Variants in FSHR observed in about 807,000 individuals in gnomAD.
The protein encoded by FSHR is follicle-stimulating hormone receptor.
A neutral mutation model predicts 52.1 loss-of-function variants in FSHR; 46 were observed. That is an observed-to-expected ratio of 0.88 (90% CI 0.70 to 1.13). The LOEUF is 1.13. Among genes scored for constraint, FSHR ranks in the 50% most tolerant of loss-of-function variants. The pLI is 0.00. For missense variants in FSHR, 964 were observed against 834.6 expected, an observed-to-expected ratio of 1.16 and a Z score of -1.91; for synonymous variants, 399 against 309.6, an observed-to-expected ratio of 1.29 and a Z score of -3.03.
chr2:49,027,486 C>T (rs143492564), intron 2 of FSHR, among the ~76,000 whole-genome samples: 36 of 152,258 alleles, frequency 2.4e-4, no homozygotes, highest in Middle Eastern at 6.8e-3. Context: ...TGCAGCTAGT[C>T]TTTGTGCTTG....
chr2:49,146,151 G>T (rs909253614), intron 1 of FSHR, among the ~76,000 whole-genome samples: 5 of 152,060 alleles, frequency 3.3e-5, no homozygotes, highest in Admixed American at 2.6e-4. Context: ...TGGGAGGGAA[G>T]AAGATGGAAA....
intron 1 of FSHR, among the ~76,000 whole-genome samples, chr2:49,130,007 CTA>C (rs1183818638): frequency 3.9e-5 from 6 of 152,124 alleles, no homozygotes; most frequent in Non-Finnish European, 8.8e-5. Flanking sequence ...CTTATTTGTG[CTA>C]TGTTATAAAC....
At chr2:49,077,154 G>A (rs1305025555) in intron 1 of FSHR, among the ~76,000 whole-genome samples, 1 of 152,202 alleles carries the variant, frequency 6.6e-6, no homozygotes, top group Admixed American at 6.5e-5. Context: ...CTCCACAAGG[G>A]CCTCTCCCCT....
intron 4 of FSHR, among the ~76,000 whole-genome samples, chr2:49,000,336 A>G (rs757754367): frequency 2.6e-5 from 4 of 152,212 alleles, no homozygotes; most frequent in Non-Finnish European, 5.9e-5. Flanking sequence ...TCAAAAGGGA[A>G]GTAAACTTAG....
intron 1 of FSHR, among the ~76,000 whole-genome samples, chr2:49,109,150 A>C (rs868313430): frequency 2.0e-5 from 3 of 152,274 alleles, no homozygotes; most frequent in Middle Eastern, 3.4e-3. Flanking sequence ...TGTGCATAAA[A>C]GGATGAGCAG....
intron 2 of FSHR, among the ~76,000 whole-genome samples, chr2:49,020,598 T>G (rs1882558): frequency 0.3 from 45,923 of 151,862 alleles, 7,790 homozygotes; most frequent in Non-Finnish European, 0.4. Flanking sequence ...CAATTGACAT[T>G]GTAGCCCAAA....
intron 2 of FSHR, among the ~76,000 whole-genome samples, chr2:49,027,580 T>C (rs1228903879): frequency 6.6e-6 from 1 of 152,136 alleles, no homozygotes; most frequent in Non-Finnish European, 1.5e-5. Context: ...CCGGGCGCAG[T>C]GGCTCACGCC....
At position 49,091,691 on chromosome 2, in the gene FSHR, T is replaced by C. The variant is rs185387826; in HGVS notation, c.153-23401A>G. 4.6e-5 allele frequency among the ~76,000 whole-genome samples: 7 copies of C among 152,358 alleles called. No individual in the cohort carries two copies. In the East Asian group the frequency reaches 1.3e-3, roughly 29 times the overall value. The stretch of plus-strand genomic sequence containing the variant: ...ATTACGTTAGATTTCTGTCAAAAAT[T>C]AATTAGCTATAATTTTGTGGGTCTG... On this transcript the variant is annotated intron_variant, in intron 1 of 9. Coordinates refer to ENST00000406846, the MANE Select transcript of FSHR (RefSeq NM_000145.4).
intron 2 of FSHR, among the ~76,000 whole-genome samples, chr2:49,063,202 C>T (rs1245200506): frequency 2.0e-5 from 3 of 152,066 alleles, no homozygotes; most frequent in Admixed American, 6.6e-5. Context: ...TGCCACTGTA[C>T]CCTGGCTTGA....
At chr2:48,985,453 A>T (rs754435116) in intron 6 of FSHR, among the ~76,000 whole-genome samples, 2 of 152,042 alleles carry the variant, frequency 1.3e-5, no homozygotes, top group Admixed American at 1.3e-4. Flanking sequence ...GAATTAGGAC[A>T]TTATTCTCCT....
Position 48,968,878 on chromosome 2 carries a change from A to G in FSHR, c.674T>C (p.Ile225Thr). ...HGASGPVILD[I>T]SRTRIHSLPS... ...CAGGGAATGGATCCTTGTTCTTGAA[A>G]TATCTCTATAAAGAGAAAAGGTAAA... The change falls in exon 9 of 10, where the codon ATT (isoleucine) becomes ACT (threonine). Residue 225 changes from isoleucine (I) to threonine (T), a missense_variant. Ile to Thr is a moderately conservative substitution (Grantham distance 89, BLOSUM62 -1). Coordinates refer to ENST00000406846, the MANE Select transcript of FSHR (RefSeq NM_000145.4). 2.5e-6 allele frequency: 4 copies of G among 1,613,278 alleles called. No homozygotes were observed. The highest frequency in any genetic ancestry group is 3.4e-6 in the Non-Finnish European group (4 of 1,179,796).
chr2:48,983,913 C>G (rs1036484481), intron 6 of FSHR, among the ~76,000 whole-genome samples: 1 of 152,014 alleles, frequency 6.6e-6, no homozygotes. Context: ...ACAGGGGAGC[C>G]CAAGGACACC....
intron 2 of FSHR, among the ~76,000 whole-genome samples, chr2:49,038,600 G>A (rs1189842863): frequency 1.4e-5 from 2 of 140,474 alleles, no homozygotes; most frequent in Admixed American, 7.4e-5. Context: ...ACTCCAGCCT[G>A]GGCGACAGAG....
intron 6 of FSHR, 34 bp from the exon 7 acceptor site, chr2:48,983,200 G>A (rs1423143452): frequency 6.3e-7 from 1 of 1,581,804 alleles, no homozygotes; most frequent in Non-Finnish European, 8.7e-7. Context: ...AACCAATAAT[G>A]TCAGATGCAA....
intron 2 of FSHR, among the ~76,000 whole-genome samples, chr2:49,024,428 G>T (rs1667848265): frequency 6.6e-6 from 1 of 152,040 alleles, no homozygotes; most frequent in South Asian, 2.1e-4. Flanking sequence ...TACAAAATTA[G>T]TCATGCGTGG....
intron 2 of FSHR, among the ~76,000 whole-genome samples, chr2:49,024,835 C>A (rs1558397254): frequency 6.6e-6 from 1 of 152,166 alleles, no homozygotes; most frequent in Non-Finnish European, 1.5e-5. Context: ...TTAATAAGCT[C>A]AAACTAAATT....
chr2:49,035,521 C>A (rs1558403214), intron 2 of FSHR, among the ~76,000 whole-genome samples: 1 of 152,266 alleles, frequency 6.6e-6, no homozygotes, highest in East Asian at 1.9e-4. Flanking sequence ...CTGTAACCAC[C>A]CCTCCACTCC....
chr2:49,041,240 T>C (rs1668470334), intron 2 of FSHR, among the ~76,000 whole-genome samples: 1 of 152,154 alleles, frequency 6.6e-6, no homozygotes, highest in Non-Finnish European at 1.5e-5. Context: ...CGTGAATATG[T>C]ATTTGAGTAT....
intron 2 of FSHR, among the ~76,000 whole-genome samples, chr2:49,064,556 A>G (rs141250645): frequency 6.6e-6 from 1 of 152,192 alleles, no homozygotes; most frequent in East Asian, 1.9e-4. Context: ...CTGTAAGAAA[A>G]TAAATTTCTG....
Sources: gnomAD v4.1 joint callset for allele counts (sites outside exome capture counted in the v4.1 genomes callset) on GRCh38, gnomAD v4.1.1 for gene constraint, MANE v1.5 for transcripts, NCBI Gene and HGNC (gene_info 2026-07-23, HGNC 2026-07-21) for gene names.